NEGR1: variants seen among roughly 807,000 people sequenced by gnomAD.
The protein encoded by NEGR1 is IgLON family member 4.
Under a neutral mutation model 40.9 loss-of-function variants are expected in NEGR1, and 10 were observed. That is an observed-to-expected ratio of 0.24 (90% CI 0.15 to 0.42). NEGR1 has a LOEUF of 0.42. Among genes scored for constraint, NEGR1 ranks in the 10% least tolerant of loss-of-function variants. NEGR1 has a pLI of 1.00. For missense variants in NEGR1, 352 were observed against 438.9 expected, an observed-to-expected ratio of 0.80 and a Z score of 1.77; for synonymous variants, 185 against 166.8, an observed-to-expected ratio of 1.11 and a Z score of -0.84.
chr1:71,992,629 C>T (rs1228146512), intron 1 of NEGR1, among the ~76,000 whole-genome samples: 5 of 118,878 alleles, frequency 4.2e-5, no homozygotes, highest in South Asian at 6.1e-4. Context: ...TGAAATCTGG[C>T]GTGAATTTTA....
chr1:71,779,621 GCAATGGCT>G (rs1315370803), intron 2 of NEGR1, among the ~76,000 whole-genome samples: 4 of 151,628 alleles, frequency 2.6e-5, no homozygotes, highest in African/African-American at 4.9e-5. Flanking sequence ...AGGCTGGAGT[GCAATGGCT>G]CAATCTCCGC....
intron 2 of NEGR1, among the ~76,000 whole-genome samples, chr1:71,928,435 T>TAC (rs1338689838): frequency 5.0e-5 from 4 of 80,118 alleles, no homozygotes; most frequent in East Asian, 4.2e-4. Flanking sequence ...TATGTATATA[T>TAC]ACACATATAT....
intron 6 of NEGR1, among the ~76,000 whole-genome samples, chr1:71,501,415 T>C (rs1018665544): frequency 6.6e-6 from 1 of 152,168 alleles, no homozygotes; most frequent in Non-Finnish European, 1.5e-5. Context: ...ATCTCACAGT[T>C]TGAAATATTG....
At chr1:71,659,755 GC>G (rs1651995354) in intron 4 of NEGR1, among the ~76,000 whole-genome samples, 2 of 152,094 alleles carry the variant, frequency 1.3e-5, no homozygotes, top group Non-Finnish European at 2.9e-5. Context: ...TTAGAGAAAG[GC>G]AAATCAAAGC....
chr1:71,573,272 C>G (rs1648863381), intron 6 of NEGR1, among the ~76,000 whole-genome samples: 1 of 152,118 alleles, frequency 6.6e-6, no homozygotes, highest in Admixed American at 6.5e-5. Flanking sequence ...GAAGTATGTA[C>G]CACTCAGAGA....
chr1:72,088,614 C>T (rs1310204737), intron 1 of NEGR1, among the ~76,000 whole-genome samples: 1 of 151,902 alleles, frequency 6.6e-6, no homozygotes, highest in East Asian at 1.9e-4. Flanking sequence ...CCATTCTTCC[C>T]GTTAAAATAG....
chr1:71,640,861 CAAAAAG>C (rs60127086), intron 4 of NEGR1, among the ~76,000 whole-genome samples: 5,574 of 152,002 alleles, frequency 0.037, 133 homozygotes, highest in African/African-American at 0.072. Context: ...ATTCCCAACA[CAAAAAG>C]TGCCCAGAAC....
intron 6 of NEGR1, among the ~76,000 whole-genome samples, chr1:71,561,745 TC>T (rs1224710141): frequency 6.6e-6 from 1 of 151,686 alleles, no homozygotes; most frequent in East Asian, 1.9e-4. Context: ...TATGTTGAGT[TC>T]CAGAGTTTTT....
rs545669030 is a variant in NEGR1 at position 71,699,438 on chromosome 1, G to A, written c.536-1299C>T. Among the ~76,000 whole-genome samples, 74 of 151,866 alleles carry A rather than the reference G, an allele frequency of 4.9e-4. 1 individual carries two copies. The South Asian group carries it at 0.015, about 31-fold the overall frequency. On this transcript the variant is annotated intron_variant, in intron 3 of 6. Coordinates refer to ENST00000357731, the MANE Select transcript of NEGR1 (RefSeq NM_173808.3). ...CATTTATCTATCTAATCCTTGTACA[G>A]AAGGGAAATGTAAAACTTCTGAAGT...
intron 1 of NEGR1, among the ~76,000 whole-genome samples, chr1:72,085,207 T>C (rs1648166588): frequency 6.6e-6 from 1 of 152,206 alleles, no homozygotes; most frequent in Non-Finnish European, 1.5e-5. Context: ...ATTATGGGTA[T>C]ATGCGCATAT....
intron 1 of NEGR1, among the ~76,000 whole-genome samples, chr1:72,102,551 G>A (rs982322589): frequency 1.3e-5 from 2 of 151,966 alleles, no homozygotes; most frequent in African/African-American, 4.8e-5. Flanking sequence ...AGCCTAGGTC[G>A]GTAATCATGC....
intron 1 of NEGR1, among the ~76,000 whole-genome samples, chr1:72,243,116 T>C (rs1654800377): frequency 6.6e-6 from 1 of 151,762 alleles, no homozygotes; most frequent in Non-Finnish European, 1.5e-5. Flanking sequence ...ATGGTCTTCA[T>C]AATATTTAGA....
chr1:71,465,216 CAG>C (rs1646737530), intron 6 of NEGR1, among the ~76,000 whole-genome samples: 1 of 152,004 alleles, frequency 6.6e-6, no homozygotes, highest in Non-Finnish European at 1.5e-5. Flanking sequence ...ATAAAAACAG[CAG>C]AGTCAGGTAT....
chr1:71,453,478 T>A (rs1023602014), intron 6 of NEGR1, among the ~76,000 whole-genome samples: 1 of 152,180 alleles, frequency 6.6e-6, no homozygotes, highest in African/African-American at 2.4e-5. Flanking sequence ...TGTCATTCAA[T>A]GCCCAAGATA....
At chr1:71,456,779 C>T (rs935839089) in intron 6 of NEGR1, among the ~76,000 whole-genome samples, 9 of 152,204 alleles carry the variant, frequency 5.9e-5, no homozygotes, top group African/African-American at 2.2e-4. Flanking sequence ...TGCCATGTAT[C>T]GCTATACAGC....
chr1:72,171,330 AAC>A (rs1651956771), intron 1 of NEGR1, among the ~76,000 whole-genome samples: 1 of 152,194 alleles, frequency 6.6e-6, no homozygotes, highest in East Asian at 1.9e-4. Flanking sequence ...GCATACATGG[AAC>A]ATCAAAAATC....
At chr1:72,240,985 TA>T (rs932374599) in intron 1 of NEGR1, among the ~76,000 whole-genome samples, 47 of 151,908 alleles carry the variant, frequency 3.1e-4, no homozygotes, top group African/African-American at 1.1e-3. Context: ...TAAAATTAGA[TA>T]AAAAAACTGC....
chr1:71,633,706 C>A (rs1012571079), intron 4 of NEGR1, among the ~76,000 whole-genome samples: 9 of 152,108 alleles, frequency 5.9e-5, no homozygotes, highest in African/African-American at 2.2e-4. Flanking sequence ...CTGGTATTTG[C>A]AAGTACATGA....
chr1:71,765,232 C>A (rs911846266), intron 3 of NEGR1, among the ~76,000 whole-genome samples: 1 of 152,122 alleles, frequency 6.6e-6, no homozygotes, highest in Non-Finnish European at 1.5e-5. Flanking sequence ...CCAACCAATG[C>A]TTCAAAACTT....
Sources: gnomAD v4.1 joint callset for allele counts (sites outside exome capture counted in the v4.1 genomes callset) on GRCh38, gnomAD v4.1.1 for gene constraint, MANE v1.5 for transcripts, NCBI Gene and HGNC (gene_info 2026-07-23, HGNC 2026-07-21) for gene names.